The following SMAP1 variants were observed in gnomAD, a reference collection of about 807,000 sequenced individuals.
SMAP1 encodes stromal membrane-associated protein 1.
In SMAP1, 24 loss-of-function variants were observed where a neutral mutation model predicts 58.5. The observed-to-expected ratio is 0.41, with a 90% CI of 0.30 to 0.58. The LOEUF (loss-of-function observed/expected upper bound fraction) is 0.58. SMAP1 is among the 20% of genes least tolerant of loss of function. The pLI, the probability that SMAP1 is intolerant of heterozygous loss-of-function variation, is 0.29. For synonymous variants in SMAP1, 216 were observed against 196.6 expected (o/e 1.10, Z -0.82); for missense variants, 563 against 566.3 (o/e 0.99, Z 0.06).
At chr6:70,675,696 G>A (rs1433270098) in intron 1 of SMAP1, among the ~76,000 whole-genome samples, 1 of 151,938 alleles carries the variant, frequency 6.6e-6, no homozygotes, top group East Asian at 1.9e-4. Context: ...GGAGTGACTG[G>A]CACTTTCTTA....
chr6:70,673,447 A>C (rs1766349875), intron 1 of SMAP1, among the ~76,000 whole-genome samples: 1 of 152,210 alleles, frequency 6.6e-6, no homozygotes, highest in African/African-American at 2.4e-5. Context: ...GGAGTCTTTT[A>C]GCTTTCTAAC....
At chr6:70,791,917 A>G (rs1768379446) in intron 5 of SMAP1, 148 bp downstream of exon 5, 2 of 594,280 alleles carry the variant, frequency 3.4e-6, no homozygotes, top group Non-Finnish European at 5.6e-6. Context: ...GAATTTTTTT[A>G]TACCACAGGT....
intron 6 of SMAP1, among the ~76,000 whole-genome samples, chr6:70,811,836 C>A (rs950903386): frequency 3.3e-5 from 5 of 152,120 alleles, no homozygotes; most frequent in Non-Finnish European, 7.4e-5. Flanking sequence ...ATCCAGTAGT[C>A]CCTCTCATAT....
At chr6:70,819,121 T>C (rs142416254) in intron 6 of SMAP1, among the ~76,000 whole-genome samples, 3 of 152,286 alleles carry the variant, frequency 2.0e-5, no homozygotes, top group Non-Finnish European at 2.9e-5. Context: ...ATTCAAGATA[T>C]GGTCTTTCGT....
At chr6:70,684,622 G>T (rs1022328336) in intron 1 of SMAP1, among the ~76,000 whole-genome samples, 2 of 152,126 alleles carry the variant, frequency 1.3e-5, no homozygotes, top group East Asian at 1.9e-4. Context: ...AATTTCAGGG[G>T]AGTGAATGCT....
intron 3 of SMAP1, among the ~76,000 whole-genome samples, chr6:70,767,273 A>G (rs1186968031): frequency 6.6e-6 from 1 of 151,284 alleles, no homozygotes; most frequent in Non-Finnish European, 1.5e-5. Flanking sequence ...GTTTTTTCCA[A>G]TTCTGTGAAG....
chr6:70,785,636 C>G (rs1476596602), intron 4 of SMAP1, among the ~76,000 whole-genome samples: 1 of 152,152 alleles, frequency 6.6e-6, no homozygotes, highest in African/African-American at 2.4e-5. Flanking sequence ...ACCGATCCCA[C>G]AGAAATACAA....
At chr6:70,712,220 G>A (rs1768084202) in intron 1 of SMAP1, among the ~76,000 whole-genome samples, 1 of 152,172 alleles carries the variant, frequency 6.6e-6, no homozygotes, top group Non-Finnish European at 1.5e-5. Context: ...TTCTGTTAAT[G>A]AGGGGTAATC....
intron 4 of SMAP1, among the ~76,000 whole-genome samples, chr6:70,785,434 C>T (rs1309182340): frequency 6.6e-6 from 1 of 152,042 alleles, no homozygotes; most frequent in South Asian, 2.1e-4. Flanking sequence ...CTAGCAGAGG[C>T]AAGAAATAAC....
chr6:70,668,750 A>G (rs762346416), intron 1 of SMAP1: 1 of 1,533,992 alleles, frequency 6.5e-7, no homozygotes, highest in South Asian at 1.2e-5. Context: ...AATTAATTGG[A>G]GAAAGGTCTT....
At chr6:70,840,762 T>C (rs751625235) in intron 7 of SMAP1, among the ~76,000 whole-genome samples, 17 of 152,354 alleles carry the variant, frequency 1.1e-4, no homozygotes, top group Non-Finnish European at 2.2e-4. Flanking sequence ...CAGGGTGAGA[T>C]ACTTGACTTG....
chr6:70,797,144 T>C (rs767589610), intron 5 of SMAP1, among the ~76,000 whole-genome samples: 2 of 152,166 alleles, frequency 1.3e-5, no homozygotes, highest in African/African-American at 2.4e-5. Flanking sequence ...GCCCCAAATA[T>C]AAAGATCTTT....
intron 1 of SMAP1, among the ~76,000 whole-genome samples, chr6:70,732,005 T>G (rs1765448235): frequency 1.3e-5 from 2 of 151,862 alleles, no homozygotes; most frequent in Non-Finnish European, 2.9e-5. Flanking sequence ...TCTTTGATTT[T>G]TTATTTGTTG....
chr6:70,733,036 AT>A (rs1188888271), intron 2 of SMAP1, among the ~76,000 whole-genome samples: 1 of 152,140 alleles, frequency 6.6e-6, no homozygotes, highest in Non-Finnish European at 1.5e-5. Flanking sequence ...AAAGTTTGCC[AT>A]TTTCCCAATG....
At chr6:70,784,157 T>C (rs1260348021) in intron 4 of SMAP1, among the ~76,000 whole-genome samples, 1 of 152,122 alleles carries the variant, frequency 6.6e-6, no homozygotes, top group Non-Finnish European at 1.5e-5. Flanking sequence ...TCAGCATTCT[T>C]AAAGAAAAGA....
intron 1 of SMAP1, among the ~76,000 whole-genome samples, chr6:70,702,515 C>T (rs1372385701): frequency 3.9e-5 from 6 of 152,108 alleles, no homozygotes; most frequent in Admixed American, 1.3e-4. Context: ...GTTCTTATCC[C>T]AGTCATTATA....
chr6:70,708,051 A>T (rs1035622724), intron 1 of SMAP1, among the ~76,000 whole-genome samples: 1 of 152,150 alleles, frequency 6.6e-6, no homozygotes, highest in Non-Finnish European at 1.5e-5. Context: ...CCTTATGCTG[A>T]ACATTATATC....
chr6:70,789,652 G>A (rs1193086876), intron 4 of SMAP1, among the ~76,000 whole-genome samples: 3 of 136,694 alleles, frequency 2.2e-5, no homozygotes, highest in Non-Finnish European at 3.0e-5. Context: ...TATCCGGGAC[G>A]CTGAGAGGCA....
intron 4 of SMAP1, among the ~76,000 whole-genome samples, chr6:70,787,305 G>A (rs1228487247): frequency 1.3e-5 from 2 of 152,030 alleles, no homozygotes; most frequent in Non-Finnish European, 2.9e-5. Flanking sequence ...AATTCAAGAT[G>A]GATTAAAGAC....
Sources: allele counts gnomAD v4.1 joint callset (sites outside exome capture counted in the v4.1 genomes callset), GRCh38; gene constraint gnomAD v4.1.1; transcripts MANE v1.5; gene names NCBI Gene and HGNC (gene_info 2026-07-23, HGNC 2026-07-21).